Variants in CHMP1A observed in about 807,000 individuals in gnomAD.
CHMP1A encodes charged multivesicular body protein 1A.
CHMP1A carries 17 observed loss-of-function variants against 27.0 expected under a neutral mutation model. The observed-to-expected ratio is 0.63, with a 90% CI of 0.43 to 0.95. The LOEUF (loss-of-function observed/expected upper bound fraction) is 0.95, where lower values mean the gene tolerates loss of function less well. Ranked by LOEUF, CHMP1A falls within the 40% of genes least tolerant of loss-of-function variation. The pLI is 0.00. For synonymous variants in CHMP1A, 131 were observed against 107.5 expected (o/e 1.22, Z -1.35); for missense variants, 275 against 264.0 (o/e 1.04, Z -0.29).
In CHMP1A at chr16:89,645,861, A is replaced by G; in HGVS notation, c.*205T>C. 6.6e-7 allele frequency: 1 copy of G among 1,523,798 alleles called. No individual in the cohort carries two copies. The highest frequency in any genetic ancestry group is 8.8e-7 in the Non-Finnish European group (1 of 1,132,838). The allele number at this position is 1,523,798 out of a possible 1,614,324, so 94.4% of individuals were successfully genotyped here. A position where few individuals can be genotyped will look rare whatever the true frequency, so the allele number is the denominator to read the frequency against. ...AAATCACCCCCAGAAATTTGCAGAA[A>G]CTCAACACCAGGACACAGACCCACC... On this transcript the variant is annotated 3_prime_UTR_variant, in exon 7 of 7. Transcript: ENST00000397901.
At chr16:89,646,916 C>G (rs1287335193) in intron 5 of CHMP1A, 8 of 496,152 alleles carry the variant, frequency 1.6e-5, no homozygotes, top group Non-Finnish European at 2.9e-5. Context: ...TCTGACTGTG[C>G]CATGCCTGCT....
chr16:89,647,283 T>C lies in CHMP1A; in HGVS notation c.301A>G (p.Ser101Gly). 6.2e-7 allele frequency: 1 copy of C among 1,612,266 alleles called. No individual in the cohort carries two copies. Among genetic ancestry groups the C allele is most frequent in the Non-Finnish European group, 8.5e-7 (1 of 1,179,316 alleles). The change falls in exon 5 of 7, where the codon AGC becomes GGC. Residue 101 changes from serine to glycine, a missense_variant. Physicochemically the swap from Ser to Gly is moderately conservative, Grantham distance 56. Transcript: ENST00000397901. ...QVTKALDKAL[S>G]TMDLQKVSSV... The stretch of plus-strand genomic sequence containing the variant: ...GAGACCTTCTGCAGGTCCATGGTGC[T>C]CAGGGCCTTGTCCAGGGCTTTGGTC...
At chr16:89,651,354 G>A (rs2059822013) in intron 3 of CHMP1A, among the ~76,000 whole-genome samples, 1 of 150,782 alleles carries the variant, frequency 6.6e-6, no homozygotes, top group Admixed American at 6.7e-5. Context: ...CTGGGCGACA[G>A]AGCAAGACTC....
intron 2 of CHMP1A, among the ~76,000 whole-genome samples, chr16:89,653,093 CTG>C (rs2059838248): frequency 7.5e-6 from 1 of 133,376 alleles, no homozygotes; most frequent in African/African-American, 2.8e-5. Context: ...TCTTGGCTTA[CTG>C]CAAGCTCTGC....
chr16:89,651,622 G>A lies in CHMP1A; in HGVS notation c.52C>T (p.Leu18=), dbSNP rs1272243094. ...LKFTAKQLEK[L]AKKAEKDSKA... ...GAGTCCTTCTCCGCCTTCTTGGCCA[G>A]CTTCTCCAGCTGCTTCGCCGTGAAC... The change falls in exon 3 of 7, where the codon CTG becomes TTG. Residue 18 remains leucine (L), a synonymous_variant. Transcript: ENST00000397901. 6.2e-7 allele frequency: 1 copy of A among 1,613,734 alleles called. No homozygotes were observed. The highest frequency in any genetic ancestry group is 8.5e-7 in the Non-Finnish European group (1 of 1,179,846).
intron 2 of CHMP1A, 93 bp from the exon 3 acceptor site, chr16:89,651,739 GCCCA>G: frequency 8.0e-7 from 1 of 1,244,754 alleles, no homozygotes; most frequent in Non-Finnish European, 1.1e-6. Context: ...CCACACCTGT[GCCCA>G]CACAGGTTCC....
In CHMP1A at chr16:89,645,536, AG is replaced by A; in HGVS notation, c.*529del. The stretch of plus-strand genomic sequence containing the variant: ...CGAGACACCACCCCTGGAGTGATGG[AG>A]GAGGAGGATGTCATTGTAAATACCA... On this transcript the variant is annotated 3_prime_UTR_variant, in exon 7 of 7. Transcript: ENST00000397901. The A allele has an allele frequency of 5.4e-6, 1 of 185,876 alleles. No homozygotes were observed. The highest frequency in any genetic ancestry group is 7.2e-4 in the East Asian group (1 of 1,394). The allele number at this position is 185,876 out of a possible 1,614,324, so 11.5% of individuals were successfully genotyped here.
intron 2 of CHMP1A, among the ~76,000 whole-genome samples, chr16:89,652,156 C>G (rs1239855163): frequency 6.6e-6 from 1 of 152,254 alleles, no homozygotes; most frequent in Non-Finnish European, 1.5e-5. Flanking sequence ...GGGGATCTAA[C>G]TGCTCTGCCA....
chr16:89,646,418 G>A (rs984997178), intron 6 of CHMP1A, 109 bp downstream of exon 6: 24 of 1,241,108 alleles, frequency 1.9e-5, no homozygotes, highest in East Asian at 7.7e-5. Flanking sequence ...CTCCCTGGTC[G>A]GAGCCTCAGC....
chr16:89,648,662 G>A (rs1232970819), intron 4 of CHMP1A, among the ~76,000 whole-genome samples: 1 of 152,148 alleles, frequency 6.6e-6, no homozygotes, highest in Non-Finnish European at 1.5e-5. Flanking sequence ...AGGCCGAGGT[G>A]GGAAGATTGC....
At position 89,650,161 on chromosome 16, in the gene CHMP1A, A is replaced by G. The variant is rs536370438; in HGVS notation, c.106-664T>C. 1.2e-4 allele frequency among the ~76,000 whole-genome samples: 18 copies of G among 152,246 alleles called. 1 individual carries two copies. In the South Asian group the frequency reaches 3.7e-3, roughly 32 times the overall value. On this transcript the variant is annotated intron_variant, in intron 3 of 6. Transcript: ENST00000397901. Reference sequence around the variant, plus strand: ...GATTACGCAGTTTTAAGAGCTGCACAAGATCCTACCTTCTTTTCTTTTTTT... The same window carrying G: ...GATTACGCAGTTTTAAGAGCTGCACGAGATCCTACCTTCTTTTCTTTTTTT...
chr16:89,647,153 CA>C, intron 5 of CHMP1A, 49 bp downstream of exon 5: 1 of 1,595,188 alleles, frequency 6.3e-7, no homozygotes, highest in African/African-American at 1.3e-5. Flanking sequence ...GAGCTGCCCA[CA>C]CACGCTCCTT....
rs774107724 is a variant in CHMP1A at position 89,649,471 on chromosome 16, A to G, written c.132T>C (p.Cys44=). The change falls in exon 4 of 7, where the codon TGT becomes TGC. Residue 44 remains cysteine, a synonymous_variant. Transcript: ENST00000397901. ...KKALLQKNVE[C]ARVYAENAIR... ...TGGCGTTCTCGGCATACACACGGGC[A>G]CACTCTACATTTTTCTGCAGAAGGG... 6.2e-7 allele frequency: 1 copy of G among 1,613,738 alleles called. No individual in the cohort carries two copies. The highest frequency in any genetic ancestry group is 8.5e-7 in the Non-Finnish European group (1 of 1,179,894).
chr16:89,647,296 C>T lies in CHMP1A; in HGVS notation c.288G>A (p.Leu96=). ...GGTCCATGGTGCTCAGGGCCTTGTC[C>T]AGGGCTTTGGTCACCTGGGCCATAT... ...TKNMAQVTKA[L]DKALSTMDLQ... is the part of the protein sequence containing the mutation. Residue 96 remains leucine, a synonymous_variant, in exon 5 of 7, where the codon CTG becomes CTA. Transcript: ENST00000397901. The T allele has an allele frequency of 1.9e-6, 3 of 1,611,746 alleles. No homozygotes were observed. The highest frequency in any genetic ancestry group is 2.5e-6 in the Non-Finnish European group (3 of 1,178,754).
At chr16:89,653,066 G>C (rs2059838045) in intron 2 of CHMP1A, among the ~76,000 whole-genome samples, 1 of 139,170 alleles carries the variant, frequency 7.2e-6, no homozygotes, top group Admixed American at 7.4e-5. Flanking sequence ...CACCCAGGCT[G>C]GAGTGCAGTG....
At position 89,645,910 on chromosome 16, in the gene CHMP1A, AACCC is replaced by A; in HGVS notation, c.*152_*155del. 1 of 1,605,294 alleles carries A rather than the reference AACCC, an allele frequency of 6.2e-7. No homozygotes were observed. On this transcript the variant is annotated 3_prime_UTR_variant, in exon 7 of 7. Coordinates refer to ENST00000397901, the MANE Select transcript of CHMP1A (RefSeq NM_002768.5). ...CCGCCCAACCTAAAAGAACAGGAACAACCCTAAGGCCACGCAGGCCTGGCAGGTG... is the reference window on the plus strand; with the variant it reads ...CCGCCCAACCTAAAAGAACAGGAACATAAGGCCACGCAGGCCTGGCAGGTG...
At chr16:89,651,025 C>T (rs2059819574) in intron 3 of CHMP1A, among the ~76,000 whole-genome samples, 2 of 152,154 alleles carry the variant, frequency 1.3e-5, no homozygotes, top group South Asian at 4.1e-4. Flanking sequence ...ACAGCACCTC[C>T]CTTCCTGAGT....
intron 3 of CHMP1A, 149 bp from the exon 4 acceptor site, chr16:89,649,646 ACT>A: frequency 1.1e-6 from 1 of 889,326 alleles, no homozygotes; most frequent in Non-Finnish European, 1.7e-6. Flanking sequence ...CACGATCTCG[ACT>A]CAACGCAAGC....
chr16:89,653,876 C>A (rs557013909), intron 2 of CHMP1A, 28 bp downstream of exon 2: 7 of 1,611,046 alleles, frequency 4.3e-6, no homozygotes, highest in Middle Eastern at 1.7e-4. Context: ...CAGAACAGGG[C>A]TGGGGTGAAC....
Sources: gnomAD v4.1 joint callset for allele counts (sites outside exome capture counted in the v4.1 genomes callset) on GRCh38, gnomAD v4.1.1 for gene constraint, MANE v1.5 for transcripts, NCBI Gene and HGNC (gene_info 2026-07-23, HGNC 2026-07-21) for gene names.